The following ARID1A variants were observed in gnomAD, a reference collection of about 807,000 sequenced individuals.
ARID1A encodes the protein AT-rich interaction domain 1A, also known as AT-rich interactive domain-containing protein 1A.
A neutral mutation model predicts 212.6 loss-of-function variants in ARID1A; 20 were observed. The observed-to-expected ratio is 0.09, with a 90% CI of 0.07 to 0.14. The LOEUF is 0.14. Among genes scored for constraint, ARID1A ranks in the 10% least tolerant of loss-of-function variants. ARID1A has a pLI of 1.00. For missense variants in ARID1A, 2,587 were observed against 3,059.0 expected (o/e 0.85, Z 3.64); for synonymous variants, 1,376 against 1,222.1 (o/e 1.13, Z -2.63).
intron 4 of ARID1A, among the ~76,000 whole-genome samples, chr1:26,756,593 CAAAA>C (rs1237151624): frequency 3.4e-5 from 5 of 147,762 alleles, no homozygotes; most frequent in African/African-American, 9.9e-5. Context: ...AAAACACACA[CAAAA>C]AAAAACCCAC....
chr1:26,763,744 G>C (rs573927882), intron 8 of ARID1A, among the ~76,000 whole-genome samples: 1 of 152,288 alleles, frequency 6.6e-6, no homozygotes, highest in East Asian at 1.9e-4. Flanking sequence ...ACTCCAGCCT[G>C]GGCGACAGAG....
chr1:26,738,875 T>C (rs1557596708), intron 4 of ARID1A, among the ~76,000 whole-genome samples: 1 of 138,922 alleles, frequency 7.2e-6, no homozygotes, highest in Non-Finnish European at 1.5e-5. Flanking sequence ...ACTTTTCTTT[T>C]GTTTTTTTTT....
rs537961802 is a variant in ARID1A, at chr1:26,761,140, C to T, written c.2161+44C>T. The T allele has an allele frequency of 5.0e-6, 8 of 1,601,680 alleles. No homozygotes were observed. In the South Asian group the frequency reaches 5.5e-5, roughly 11 times the overall value. On this transcript the variant is annotated intron_variant, in intron 5 of 19. Coordinates refer to ENST00000324856, the MANE Select transcript of ARID1A (RefSeq NM_006015.6). ...CTTTAGGGAGAGGGAAAGGTGACTG[C>T]CCCCAGTAATATTAAGGAGCCCTAG...
chr1:26,704,105 C>A (rs2080364389), intron 1 of ARID1A, among the ~76,000 whole-genome samples: 1 of 152,198 alleles, frequency 6.6e-6, no homozygotes, highest in East Asian at 1.9e-4. Flanking sequence ...ATTGCACATC[C>A]ATCTCCAGAC....
chr1:26,726,055 A>G (rs1348009705), intron 1 of ARID1A, among the ~76,000 whole-genome samples: 2 of 151,240 alleles, frequency 1.3e-5, no homozygotes, highest in African/African-American at 2.4e-5. Context: ...GGGTTTCACC[A>G]TATTGGCCAG....
chr1:26,771,549 C>A lies in ARID1A; in HGVS notation c.3406+223C>A. ...CTCTTAAGTTTTAATTTTTGTTGTG[C>A]AGCTGACAACTTGCCAAATGTTTGT... On this transcript the variant is annotated intron_variant, in intron 12 of 19. Coordinates refer to ENST00000324856, the MANE Select transcript of ARID1A (RefSeq NM_006015.6). This position sits in a 1 kb window ranked among gnomAD's most constrained non-coding sequence, Gnocchi z 5.4. The A allele has an allele frequency of 1.8e-6, 1 of 568,394 alleles. No homozygotes were observed. The highest frequency in any genetic ancestry group is 2.3e-5 in the South Asian group (1 of 44,364). 35.2% of individuals were successfully genotyped at this position (568,394 alleles called of 1,614,324 possible). A position where few individuals can be genotyped will look rare whatever the true frequency, so the allele number is the denominator to read the frequency against.
chr1:26,762,346 G>T (rs767497591), intron 7 of ARID1A, 27 bp downstream of exon 7: 1 of 1,600,490 alleles, frequency 6.2e-7, no homozygotes, highest in African/African-American at 1.3e-5. Context: ...GTTAGGAGTA[G>T]ATACGGGTGA....
chr1:26,712,977 A>T (rs575207951), intron 1 of ARID1A, among the ~76,000 whole-genome samples: 1 of 152,348 alleles, frequency 6.6e-6, no homozygotes, highest in African/African-American at 2.4e-5. Flanking sequence ...AAAAACAAGT[A>T]TTCTGCTACC....
chr1:26,724,000 C>T (rs947812499), intron 1 of ARID1A, among the ~76,000 whole-genome samples: 8 of 152,106 alleles, frequency 5.3e-5, no homozygotes, highest in East Asian at 1.9e-4. Flanking sequence ...CCTTAACTAC[C>T]GCTCTCTGAG....
intron 1 of ARID1A, among the ~76,000 whole-genome samples, chr1:26,719,865 CG>C (rs2080543657): frequency 1.4e-5 from 2 of 145,750 alleles, no homozygotes; most frequent in African/African-American, 5.2e-5. Context: ...TGCTTGAACC[CG>C]GGAGGCAGAA....
intron 1 of ARID1A, among the ~76,000 whole-genome samples, chr1:26,711,597 AAG>A (rs1324230649): frequency 6.6e-6 from 1 of 152,236 alleles, no homozygotes; most frequent in Non-Finnish European, 1.5e-5. Flanking sequence ...CAGGAGAAGA[AAG>A]AAAATACTTT....
intron 4 of ARID1A, among the ~76,000 whole-genome samples, chr1:26,749,522 A>G (rs1363644570): frequency 6.6e-6 from 1 of 152,122 alleles, no homozygotes; most frequent in Non-Finnish European, 1.5e-5. Context: ...CGCTGTTTGC[A>G]GGGGCTACCA....
At chr1:26,717,005 A>G (rs112620032) in intron 1 of ARID1A, among the ~76,000 whole-genome samples, 10 of 152,188 alleles carry the variant, frequency 6.6e-5, no homozygotes, top group African/African-American at 1.9e-4. Flanking sequence ...CAGTAGCACT[A>G]TAGAGTTGCT....
chr1:26,740,993 C>A (rs1314011021), intron 4 of ARID1A, among the ~76,000 whole-genome samples: 1 of 152,152 alleles, frequency 6.6e-6, no homozygotes, highest in Non-Finnish European at 1.5e-5. Context: ...AGTAAGATTT[C>A]TGAAAACAAA....
Position 26,696,639 on chromosome 1 carries a change from G to A in ARID1A, c.236G>A (p.Ser79Asn), listed in dbSNP as rs2124740885. The change falls in exon 1 of 20, where the codon AGC (serine) becomes AAC (asparagine). Residue 79 changes from serine (S) to asparagine (N), a missense_variant. Around this residue, in one of 11 missense-constraint regions of ARID1A, gnomAD observed 735 missense variants for 590.6 expected, o/e 1.24. Transcript: ENST00000324856. ...AAGGAGCTGCAGGACGGGGCCGAGA[G>A]CAATGGGGGTGGCGGCGGCGGCGGA... is the stretch of plus-strand genomic sequence containing the variant. ...LGKELQDGAE[S>N]NGGGGGGGAG... 2 of 1,302,026 alleles carry A rather than the reference G, an allele frequency of 1.5e-6. No homozygotes were observed. The highest frequency in any genetic ancestry group is 3.1e-5 in the East Asian group (1 of 32,032). 80.7% of individuals were successfully genotyped at this position (1,302,026 alleles called of 1,614,324 possible).
At chr1:26,763,421 C>G in intron 8 of ARID1A, 136 bp downstream of exon 8, 1 of 1,057,458 alleles carries the variant, frequency 9.5e-7, no homozygotes, top group Non-Finnish European at 1.3e-6. Context: ...TTCTTACATA[C>G]CTTAGATGGG....
chr1:26,780,842 CCA>C lies in ARID1A; in HGVS notation c.*88_*89del. On this transcript the variant is annotated 3_prime_UTR_variant, in exon 20 of 20. Transcript: ENST00000324856. The surrounding 1 kb of genome is among the most constrained non-coding windows in gnomAD (Gnocchi z 7.2). ...ACTGTTGCCCTTTATTTATGCAAAA[CCA>C]CCTCAGAATCCAGTTTACCCTGTGC... The C allele has an allele frequency of 1.4e-6, 2 of 1,479,002 alleles. No homozygotes were observed. The highest frequency in any genetic ancestry group is 1.8e-6 in the Non-Finnish European group (2 of 1,109,390). The allele number at this position is 1,479,002 out of a possible 1,614,324, so 91.6% of individuals were successfully genotyped here.
In ARID1A at chr1:26,696,313, A is replaced by T. The variant is rs1224428708; in HGVS notation, c.-91A>T. The T allele has an allele frequency of 2.7e-6, 3 of 1,106,982 alleles. No individual in the cohort carries two copies. Among genetic ancestry groups the T allele is most frequent in the Non-Finnish European group, 3.3e-6 (3 of 914,806 alleles). 68.6% of individuals were successfully genotyped at this position (1,106,982 alleles called of 1,614,324 possible). A position where few individuals can be genotyped will look rare whatever the true frequency, so the allele number is the denominator to read the frequency against. ...GCCCGCCCGGGCGGGTGGGGAGGGC[A>T]GCCCGGGGGACTGGGCCCCGGGGCG... On this transcript the variant is annotated 5_prime_UTR_variant, in exon 1 of 20. Transcript: ENST00000324856.
Position 26,773,657 on chromosome 1 carries a change from A to G in ARID1A, c.3944A>G (p.Asp1315Gly), listed in dbSNP as rs773801611. ...PQPNLMPSNP[D>G]SGMYSPSRYP... is the part of the protein sequence containing the mutation. Reference sequence around the variant, plus strand: ...CCGAATCTCATGCCTTCCAACCCAGACTCGGGGATGTATTCTCCTAGCCGC... The same window carrying G: ...CCGAATCTCATGCCTTCCAACCCAGGCTCGGGGATGTATTCTCCTAGCCGC... Residue 1315 changes from aspartate to glycine, a missense_variant, in exon 16 of 20, where the codon GAC becomes GGC. By Grantham distance (94) the Asp-to-Gly change is moderately conservative. This residue lies in a region of ARID1A where 890 missense variants were observed against 1,098.2 expected (regional missense o/e 0.81). Transcript: ENST00000324856. 1.9e-6 allele frequency: 3 copies of G among 1,613,716 alleles called. No homozygotes were observed. Among genetic ancestry groups the G allele is most frequent in the Non-Finnish European group, 2.5e-6 (3 of 1,180,008 alleles).
Sources: allele counts gnomAD v4.1 joint callset (sites outside exome capture counted in the v4.1 genomes callset), GRCh38; gene constraint gnomAD v4.1.1; regional missense constraint gnomAD v4.1.1; non-coding constraint Gnocchi (gnomAD v3.1); transcripts MANE v1.5; gene names NCBI Gene and HGNC (gene_info 2026-07-23, HGNC 2026-07-21).